The following GCA variants were observed in gnomAD, a reference collection of about 807,000 sequenced individuals.
The protein encoded by GCA is grancalcin.
A neutral mutation model predicts 32.6 loss-of-function variants in GCA; 30 were observed. The ratio of observed to expected loss-of-function variants is 0.92; its 90% CI spans 0.69 to 1.25. The LOEUF is 1.25. Among genes scored for constraint, GCA ranks in the 50% most tolerant of loss-of-function variants. GCA has a pLI of 0.00. For synonymous variants in GCA, 102 were observed against 84.6 expected, an observed-to-expected ratio of 1.21 and a Z score of -1.13; for missense variants, 291 against 266.8, an observed-to-expected ratio of 1.09 and a Z score of -0.63.
Position 162,360,675 on chromosome 2 carries a change from T to G in GCA, c.*432T>G. 1.5e-6 allele frequency: 2 copies of G among 1,322,964 alleles called. No individual in the cohort carries two copies. Among genetic ancestry groups the G allele is most frequent in the Non-Finnish European group, 1.9e-6 (2 of 1,036,774 alleles). 82.0% of individuals were successfully genotyped at this position (1,322,964 alleles called of 1,614,324 possible). A position where few individuals can be genotyped will look rare whatever the true frequency, so the allele number is the denominator to read the frequency against. ...CTTTGTAGTTGGTGGTGTTTGAGGG[T>G]TGGCTAGAAATGAAAGCCTGGATTT... On this transcript the variant is annotated 3_prime_UTR_variant, in exon 8 of 8. Transcript: ENST00000437150.
At chr2:162,369,734 G>C (rs2105375183) in intron 4 of GCA, among the ~76,000 whole-genome samples, 1 of 152,118 alleles carries the variant, frequency 6.6e-6, no homozygotes, top group Non-Finnish European at 1.5e-5. Flanking sequence ...TATGAAATTT[G>C]TTGCAGCTGC....
At chr2:162,363,259 T>C (rs756741702), downstream of GCA, among the ~76,000 whole-genome samples, 1 of 151,456 alleles carries the variant, frequency 6.6e-6, no homozygotes, top group African/African-American at 2.4e-5. Context: ...AATTCCAAGA[T>C]TTCTTTCAGG....
At chr2:162,338,358 A>T (rs1684339054) in intron 1 of GCA, among the ~76,000 whole-genome samples, 1 of 152,176 alleles carries the variant, frequency 6.6e-6, no homozygotes. Context: ...TATGTTTTTG[A>T]TGAAACGATT....
At chr2:162,370,984 G>A (rs964726576) in intron 4 of GCA, among the ~76,000 whole-genome samples, 1 of 151,962 alleles carries the variant, frequency 6.6e-6, no homozygotes, top group Non-Finnish European at 1.5e-5. Flanking sequence ...CAGGCTGTAT[G>A]TCCGCTCAGG....
chr2:162,368,469 CAG>C (rs1331370029), intron 4 of GCA, among the ~76,000 whole-genome samples: 1 of 151,732 alleles, frequency 6.6e-6, no homozygotes, highest in African/African-American at 2.4e-5. Flanking sequence ...TGTTAAATAA[CAG>C]TATCTAAAAT....
intron 4 of GCA, chr2:162,371,226 T>C: frequency 1.8e-6 from 1 of 543,790 alleles, no homozygotes; most frequent in Non-Finnish European, 3.2e-6. Context: ...CTCATTACTG[T>C]TGGCCTATGT....
At chr2:162,372,682 A>G (rs1685999088), downstream of GCA, among the ~76,000 whole-genome samples, 1 of 152,086 alleles carries the variant, frequency 6.6e-6, no homozygotes, top group South Asian at 2.1e-4. Flanking sequence ...AACGTCTTAA[A>G]TTAAATTCCC....
intron 1 of GCA, among the ~76,000 whole-genome samples, chr2:162,334,745 T>C (rs1363029219): frequency 3.3e-5 from 5 of 152,180 alleles, no homozygotes; most frequent in African/African-American, 1.2e-4. Flanking sequence ...GAATCCTCAA[T>C]AGTAGTGTAG....
chr2:162,324,941 C>T (rs1364540605), intron 1 of GCA, among the ~76,000 whole-genome samples: 2 of 152,132 alleles, frequency 1.3e-5, no homozygotes, highest in African/African-American at 2.4e-5. Flanking sequence ...GGAGAGCCAT[C>T]GTCCGAGGCT....
In GCA at chr2:162,361,998, A is replaced by G; in HGVS notation, c.*1755A>G. The G allele has an allele frequency of 2.0e-6, 2 of 983,032 alleles. No individual in the cohort carries two copies. The highest frequency in any genetic ancestry group is 2.4e-6 in the Non-Finnish European group (2 of 828,012). The allele number at this position is 983,032 out of a possible 1,614,324, so 60.9% of individuals were successfully genotyped here. Reference sequence around the variant, plus strand: ...TGAGGTAAAACTTTTAAAATGACAAATGGTATTATTCATGTAAGCTTCTGC... The same window carrying G: ...TGAGGTAAAACTTTTAAAATGACAAGTGGTATTATTCATGTAAGCTTCTGC... On this transcript the variant is annotated 3_prime_UTR_variant, in exon 8 of 8. Coordinates refer to ENST00000437150, the MANE Select transcript of GCA (RefSeq NM_012198.5).
At chr2:162,344,687 ATAAAT>A (rs1684594246) in intron 1 of GCA, among the ~76,000 whole-genome samples, 1 of 151,548 alleles carries the variant, frequency 6.6e-6, no homozygotes, top group Non-Finnish European at 1.5e-5. Context: ...TTCCTTATGA[ATAAAT>A]TAAGGTGTAC....
At chr2:162,335,750 A>T (rs1684249291) in intron 1 of GCA, among the ~76,000 whole-genome samples, 1 of 152,220 alleles carries the variant, frequency 6.6e-6, no homozygotes, top group African/African-American at 2.4e-5. Flanking sequence ...GGAGAAACTG[A>T]GATTTAAAGA....
At chr2:162,345,377 T>C (rs1441853082) in intron 1 of GCA, among the ~76,000 whole-genome samples, 3 of 152,206 alleles carry the variant, frequency 2.0e-5, no homozygotes, top group Non-Finnish European at 4.4e-5. Flanking sequence ...TGTGGGTCTT[T>C]AAAAACGTCC....
At chr2:162,336,457 A>G (rs780932543) in intron 1 of GCA, among the ~76,000 whole-genome samples, 6 of 152,234 alleles carry the variant, frequency 3.9e-5, no homozygotes, top group Non-Finnish European at 8.8e-5. Context: ...GATATCAGTA[A>G]CAACCATTTT....
chr2:162,359,022 TTTTAA>T lies in GCA; in HGVS notation c.455-17_455-13del. The T allele has an allele frequency of 2.6e-6, 3 of 1,155,702 alleles. No individual in the cohort carries two copies. The highest frequency in any genetic ancestry group is 2.0e-4 in the Middle Eastern group (1 of 5,058). 71.6% of individuals were successfully genotyped at this position (1,155,702 alleles called of 1,614,324 possible). On this transcript the variant is annotated splice_polypyrimidine_tract_variant and intron_variant, in intron 5 of 7. Transcript: ENST00000437150. ...TTCTTATGTTATTTACATTTAGAAG[TTTTAA>T]TTTATCTCTTTTTTAGGTTATAGGT...
chr2:162,331,534 A>C (rs1684084620), intron 1 of GCA, among the ~76,000 whole-genome samples: 1 of 152,192 alleles, frequency 6.6e-6, no homozygotes, highest in Non-Finnish European at 1.5e-5. Context: ...GGGCAGGATT[A>C]GCACCCTTTT....
chr2:162,319,240 G>A, intron 1 of GCA: 1 of 457,092 alleles, frequency 2.2e-6, no homozygotes, highest in Non-Finnish European at 4.4e-6. Flanking sequence ...GTTCGAAAAA[G>A]TGAGTAACAA....
At chr2:162,330,485 C>T (rs1315390032) in intron 1 of GCA, among the ~76,000 whole-genome samples, 1 of 152,146 alleles carries the variant, frequency 6.6e-6, no homozygotes, top group African/African-American at 2.4e-5. Context: ...GTTTTATGTA[C>T]CTGAATACAC....
intron 1 of GCA, chr2:162,344,511 A>G: frequency 1.8e-6 from 1 of 555,036 alleles, no homozygotes; most frequent in Non-Finnish European, 3.2e-6. Context: ...GTCCTGGTGG[A>G]GCCGAGGGAG....
Sources: gnomAD v4.1 joint callset for allele counts (sites outside exome capture counted in the v4.1 genomes callset) on GRCh38, gnomAD v4.1.1 for gene constraint, MANE v1.5 for transcripts, NCBI Gene and HGNC (gene_info 2026-07-23, HGNC 2026-07-21) for gene names.